MBNL3: variants seen among roughly 807,000 people sequenced by gnomAD.
MBNL3 encodes muscleblind-like protein 3.
A neutral mutation model predicts 24.5 loss-of-function variants in MBNL3; 6 were observed. The ratio of observed to expected loss-of-function variants is 0.25; its 90% CI spans 0.13 to 0.48. The LOEUF is 0.48. Among genes scored for constraint, MBNL3 ranks in the 20% least tolerant of loss-of-function variants. MBNL3 has a pLI of 0.99. For synonymous variants in MBNL3, 100 were observed against 101.7 expected, an observed-to-expected ratio of 0.98 and a Z score of 0.10; for missense variants, 230 against 293.5, an observed-to-expected ratio of 0.78 and a Z score of 1.58.
At chrX:132,390,815 G>T in intron 5 of MBNL3, 32 bp downstream of exon 5, 1 of 1,132,970 alleles carries the variant, frequency 8.8e-7, no homozygotes, top group Non-Finnish European at 1.2e-6. Flanking sequence ...CATTTACTCT[G>T]AAACAGGCCA....
chrX:132,452,955 T>C (rs768668554), intron 1 of MBNL3, among the ~76,000 whole-genome samples: 13 of 112,121 alleles, frequency 1.2e-4, no homozygotes, highest in Non-Finnish European at 2.3e-4. Context: ...TAAAGGAGTT[T>C]TCAAGAAGAA....
rs755495745 is a variant in MBNL3, at chrX:132,409,708, G to A, written c.178-3316C>T. Among the ~76,000 whole-genome samples, 8 of 110,988 alleles carry A rather than the reference G, an allele frequency of 7.2e-5. No homozygotes were observed. In the East Asian group the frequency reaches 8.6e-4, roughly 12 times the overall value. On this transcript the variant is annotated intron_variant, in intron 2 of 8. Coordinates refer to ENST00000370853, the MANE Select transcript of MBNL3 (RefSeq NM_001386889.1). ...GCCATCCTCTGGCAGAGCAGGCTAC[G>A]TACTAAAATCAGCAGCTAAGGGGAG...
At chrX:132,451,365 G>C (rs1238328137) in intron 1 of MBNL3, among the ~76,000 whole-genome samples, 3 of 112,075 alleles carry the variant, frequency 2.7e-5, no homozygotes, top group African/African-American at 9.7e-5. Context: ...GAGATGCCCT[G>C]CCCAGAGAGG....
chrX:132,425,029 G>C (rs773892250), intron 2 of MBNL3, among the ~76,000 whole-genome samples: 33 of 112,117 alleles, frequency 2.9e-4, no homozygotes, highest in Non-Finnish European at 5.3e-4. Flanking sequence ...AAATATGCTA[G>C]TCACAATTAT....
rs1350532663 is a variant in MBNL3, at chrX:132,396,629, T to C, written c.343-4295A>G. Among the ~76,000 whole-genome samples, 6 of 51,202 alleles carry C rather than the reference T, an allele frequency of 1.2e-4. No homozygotes were observed. The East Asian group carries it at 1.8e-3, about 16-fold the overall frequency. The allele number at this position is 51,202 out of a possible 115,157, so 44.5% of individuals were successfully genotyped here. On this transcript the variant is annotated intron_variant, in intron 3 of 8. Transcript: ENST00000370853. Reference sequence around the variant, plus strand: ...CTATATATATTCATATATATATTCATATATATTCACATATATATATTCACA... The same window carrying C: ...CTATATATATTCATATATATATTCACATATATTCACATATATATATTCACA...
chrX:132,460,008 A>G (rs1283710920), intron 1 of MBNL3, among the ~76,000 whole-genome samples: 1 of 111,701 alleles, frequency 9.0e-6, no homozygotes, highest in African/African-American at 3.3e-5. Context: ...AAAGTGTGGG[A>G]GAGTGCAAGG....
chrX:132,474,182 G>A (rs1280622561), intron 1 of MBNL3, among the ~76,000 whole-genome samples: 1 of 111,439 alleles, frequency 9.0e-6, no homozygotes, highest in East Asian at 2.8e-4. Context: ...CGCAACATAA[G>A]GGAAGTAATG....
rs1933508760 is a variant in MBNL3, at chrX:132,370,372, T to C, written c.*9294A>G. The C allele has an allele frequency of 8.9e-6, 1 of 111,816 alleles. No individual in the cohort carries two copies. 9.2% of individuals were successfully genotyped at this position (111,816 alleles called of 1,213,427 possible). A position where few individuals can be genotyped will look rare whatever the true frequency, so the allele number is the denominator to read the frequency against. Reference sequence around the variant, plus strand: ...TTCACTATCTATTCAGTATTTTAGGTTCATTATCATATCAGAACTTTCCAG... The same window carrying C: ...TTCACTATCTATTCAGTATTTTAGGCTCATTATCATATCAGAACTTTCCAG... On this transcript the variant is annotated 3_prime_UTR_variant, in exon 9 of 9. Transcript: ENST00000370853.
rs969660307 is a variant in MBNL3 at position 132,375,939 on chromosome X, G to A, written c.*3727C>T. 1.5e-4 allele frequency: 17 copies of A among 112,004 alleles called. No homozygotes were observed. The highest frequency in any genetic ancestry group is 1.2e-3 in the Admixed American group (13 of 10,545). 9.2% of individuals were successfully genotyped at this position (112,004 alleles called of 1,213,427 possible). A position where few individuals can be genotyped will look rare whatever the true frequency, so the allele number is the denominator to read the frequency against. On this transcript the variant is annotated 3_prime_UTR_variant, in exon 9 of 9. Transcript: ENST00000370853. The stretch of plus-strand genomic sequence containing the variant: ...AACTTTCTCTCTTATTTAATAAAAT[G>A]TAATGTAAATGTCATTCCTTATTCA...
intron 1 of MBNL3, among the ~76,000 whole-genome samples, chrX:132,488,201 TCTAG>T (rs746158801): frequency 3.3e-4 from 37 of 110,477 alleles, no homozygotes; most frequent in East Asian, 8.6e-4. Context: ...TTATCTATCA[TCTAG>T]CTAGCTAGCT....
chrX:132,428,013 A>T (rs1944442766), intron 2 of MBNL3, among the ~76,000 whole-genome samples: 1 of 111,409 alleles, frequency 9.0e-6, no homozygotes, highest in South Asian at 3.8e-4. Context: ...AGCAAAGCCT[A>T]ATTTATTTTC....
intron 1 of MBNL3, among the ~76,000 whole-genome samples, chrX:132,467,231 G>A (rs141980906): frequency 0.01 from 1,144 of 111,363 alleles, 2 homozygotes; most frequent in Non-Finnish European, 0.016. Flanking sequence ...GAGAGACACA[G>A]CCCTCCTTAA....
chrX:132,425,997 T>C (rs1429286544), intron 2 of MBNL3, among the ~76,000 whole-genome samples: 1 of 111,664 alleles, frequency 9.0e-6, no homozygotes, highest in Non-Finnish European at 1.9e-5. Context: ...TGAGGAAAGT[T>C]GGCACATGGG....
intron 1 of MBNL3, among the ~76,000 whole-genome samples, chrX:132,479,304 A>C (rs896462992): frequency 8.9e-6 from 1 of 112,352 alleles, no homozygotes; most frequent in Non-Finnish European, 1.9e-5. Flanking sequence ...CTGTGTTGCT[A>C]ATTATAAATG....
intron 3 of MBNL3, among the ~76,000 whole-genome samples, chrX:132,400,797 G>T (rs1387703339): frequency 1.8e-5 from 2 of 111,744 alleles, no homozygotes; most frequent in African/African-American, 6.5e-5. Flanking sequence ...GATGATCATG[G>T]CATGGTAGCA....
At position 132,440,535 on chromosome X, in the gene MBNL3, C is replaced by A. The variant is rs916059530; in HGVS notation, c.-703-221G>T. On this transcript the variant is annotated intron_variant, in intron 1 of 8. Coordinates refer to ENST00000370853, the MANE Select transcript of MBNL3 (RefSeq NM_001386889.1). ...ACTGCTTAGATTTACTGTTGTAGTA[C>A]AAGACTAGGCAACAACCTCACATGA... Among the ~76,000 whole-genome samples, 3 of 111,239 alleles carry A rather than the reference C, an allele frequency of 2.7e-5. No individual in the cohort carries two copies. The South Asian group carries it at 1.1e-3, about 42-fold the overall frequency.
At chrX:132,426,984 T>C (rs1944355076) in intron 2 of MBNL3, among the ~76,000 whole-genome samples, 2 of 111,854 alleles carry the variant, frequency 1.8e-5, no homozygotes, top group South Asian at 7.5e-4. Flanking sequence ...CAAATCCTTC[T>C]AGGAAACCAC....
chrX:132,483,733 G>A (rs920914987), intron 1 of MBNL3, among the ~76,000 whole-genome samples: 2 of 111,963 alleles, frequency 1.8e-5, no homozygotes, highest in African/African-American at 6.5e-5. Context: ...AGATGATTGT[G>A]GTGGATCTGA....
At chrX:132,453,630 A>G (rs1946222988) in intron 1 of MBNL3, among the ~76,000 whole-genome samples, 1 of 112,060 alleles carries the variant, frequency 8.9e-6, no homozygotes, top group South Asian at 3.7e-4. Context: ...AAATTCCTTT[A>G]AAAATGTAGT....
Sources: gnomAD v4.1 joint callset for allele counts (sites outside exome capture counted in the v4.1 genomes callset) on GRCh38, gnomAD v4.1.1 for gene constraint, MANE v1.5 for transcripts, NCBI Gene and HGNC (gene_info 2026-07-23, HGNC 2026-07-21) for gene names.